BIN1: variants seen among roughly 807,000 people sequenced by gnomAD.
BIN1 encodes myc box-dependent-interacting protein 1.
In BIN1, 53 loss-of-function variants were observed where a neutral mutation model predicts 82.0. The ratio of observed to expected loss-of-function variants is 0.65; its 90% CI spans 0.52 to 0.81. The LOEUF (loss-of-function observed/expected upper bound fraction) is 0.81. Ranked by LOEUF, BIN1 falls within the 40% of genes least tolerant of loss-of-function variation. The pLI, the probability that BIN1 is intolerant of heterozygous loss-of-function variation, is 0.00. For missense variants in BIN1, 642 were observed against 784.4 expected, an observed-to-expected ratio of 0.82 and a Z score of 2.17; for synonymous variants, 302 against 328.0, an observed-to-expected ratio of 0.92 and a Z score of 0.86.
In BIN1 at chr2:127,059,597, C is replaced by G. The variant is rs1684178320; in HGVS notation, c.858-442G>C. On this transcript the variant is annotated intron_variant, in intron 10 of 18. Coordinates refer to ENST00000316724, the MANE Select transcript of BIN1 (RefSeq NM_139343.3). This position sits in a 1 kb window ranked among gnomAD's most constrained non-coding sequence, Gnocchi z 6.7. ...CACCACACGCAGCAGCCCCTCTGTT[C>G]TGGGGTCTGCTCCCCAGCCTGCTGC... 6.6e-6 allele frequency among the ~76,000 whole-genome samples: 1 copy of G among 152,156 alleles called. No individual in the cohort carries two copies. The highest frequency in any genetic ancestry group is 6.5e-5 in the Admixed American group (1 of 15,290).
chr2:127,050,625 C>T, intron 17 of BIN1, 103 bp from the exon 18 acceptor site: 2 of 1,398,172 alleles, frequency 1.4e-6, no homozygotes, highest in Non-Finnish European at 2.0e-6. Context: ...GTATGGAGAC[C>T]AGGAGTGCTC....
At chr2:127,076,896 C>G (rs1375679659) in intron 1 of BIN1, among the ~76,000 whole-genome samples, 190 bp from the exon 2 acceptor site, 1 of 152,090 alleles carries the variant, frequency 6.6e-6, no homozygotes, top group Non-Finnish European at 1.5e-5. Context: ...CAGGCCTCCC[C>G]ACCCTCTACC....
At chr2:127,102,536 T>C (rs1018246348) in intron 1 of BIN1, among the ~76,000 whole-genome samples, 17 of 152,226 alleles carry the variant, frequency 1.1e-4, no homozygotes, top group Admixed American at 1.3e-4. Context: ...CTGCACCTCC[T>C]GGAATGCCTT....
chr2:127,107,003 C>T lies in BIN1; in HGVS notation c.-60G>A, dbSNP rs1681248012. On this transcript the variant is annotated 5_prime_UTR_variant, in exon 1 of 19. Coordinates refer to ENST00000316724, the MANE Select transcript of BIN1 (RefSeq NM_139343.3). This position sits in a 1 kb window ranked among gnomAD's most constrained non-coding sequence, Gnocchi z 5.9. ...TCTCGCGCGGGGAGATCTTGCGCGC[C>T]GCGCTCCCAGCCCCCAGCCCCGGCC... 2 of 1,532,180 alleles carry T rather than the reference C, an allele frequency of 1.3e-6. No homozygotes were observed. Among genetic ancestry groups the T allele is most frequent in the Non-Finnish European group, 1.8e-6 (2 of 1,142,128 alleles). 94.9% of individuals were successfully genotyped at this position (1,532,180 alleles called of 1,614,324 possible).
chr2:127,097,294 GCCCTCCAGGCCCAGCAGTGTCAT>G (rs1351982323), intron 1 of BIN1, among the ~76,000 whole-genome samples: 4 of 151,504 alleles, frequency 2.6e-5, no homozygotes, highest in African/African-American at 9.7e-5. Flanking sequence ...AGCAGCGTCA[GCCCTCCAGGCCCAGCAGTGTCAT>G]CCCTCCAGGC....
At chr2:127,099,896 C>T (rs2105332202) in intron 1 of BIN1, among the ~76,000 whole-genome samples, 1 of 151,794 alleles carries the variant, frequency 6.6e-6, no homozygotes, top group Middle Eastern at 3.4e-3. Context: ...CTCCGCCTTG[C>T]AGGTTCAAGC....
chr2:127,061,309 C>A (rs1249338153), intron 10 of BIN1, among the ~76,000 whole-genome samples: 1 of 150,174 alleles, frequency 6.7e-6, no homozygotes, highest in East Asian at 2.0e-4. Context: ...ATTTTATGTT[C>A]AGGGAAGGAG....
intron 1 of BIN1, among the ~76,000 whole-genome samples, chr2:127,099,360 G>T (rs1295138069): frequency 6.6e-6 from 1 of 151,932 alleles, no homozygotes; most frequent in Non-Finnish European, 1.5e-5. Flanking sequence ...ATGTGTGTGT[G>T]TGTGTGTGTG....
At position 127,090,135 on chromosome 2, in the gene BIN1, G is replaced by A. The variant is rs895471439; in HGVS notation, c.85-13429C>T. ...CCTCTCTCCAATCAAGCTCCCCTCT[G>A]CAGCCTCCTTGCCTGCAGCTCTGCA... On this transcript the variant is annotated intron_variant, in intron 1 of 18. Coordinates refer to ENST00000316724, the MANE Select transcript of BIN1 (RefSeq NM_139343.3). This position sits in a 1 kb window ranked among gnomAD's most constrained non-coding sequence, Gnocchi z 6.4. 6.6e-6 allele frequency among the ~76,000 whole-genome samples: 1 copy of A among 152,000 alleles called. No homozygotes were observed. Among genetic ancestry groups the A allele is most frequent in the Non-Finnish European group, 1.5e-5 (1 of 67,990 alleles).
At chr2:127,063,370 C>G (rs1364695979) in intron 9 of BIN1, among the ~76,000 whole-genome samples, 1 of 152,198 alleles carries the variant, frequency 6.6e-6, no homozygotes, top group Admixed American at 6.5e-5. Flanking sequence ...CTCAAAGCCT[C>G]CCCAGCATGC....
Position 127,059,523 on chromosome 2 carries a change from T to A in BIN1, c.858-368A>T, listed in dbSNP as rs2104958449. ...CAGGGCCCATGCTGACAGCCCAAGA[T>A]CCACAGCAGGAGAAAGCCAGACATC... On this transcript the variant is annotated intron_variant, in intron 10 of 18. Transcript: ENST00000316724. The surrounding 1 kb of genome is among the most constrained non-coding windows in gnomAD (Gnocchi z 6.7). Among the ~76,000 whole-genome samples the A allele has an allele frequency of 6.6e-6, 1 of 151,854 alleles. No homozygotes were observed. The highest frequency in any genetic ancestry group is 2.1e-4 in the South Asian group (1 of 4,818).
intron 1 of BIN1, chr2:127,081,932 CCACGGAGGCAGGATG>C (rs1687346890): frequency 8.0e-7 from 1 of 1,255,784 alleles, no homozygotes; most frequent in African/African-American, 1.6e-5. Flanking sequence ...CGGTCGGGGG[CCACGGAGGCAGGATG>C]CACACCCTCG....
chr2:127,072,616 T>C (rs889085311), intron 2 of BIN1, among the ~76,000 whole-genome samples: 1 of 91,424 alleles, frequency 1.1e-5, no homozygotes, highest in Non-Finnish European at 2.0e-5. Flanking sequence ...AAAGAGAGCA[T>C]GTGTGAAAAA....
chr2:127,106,537 G>T (rs1285659200), intron 1 of BIN1, among the ~76,000 whole-genome samples: 1 of 152,194 alleles, frequency 6.6e-6, no homozygotes, highest in East Asian at 1.9e-4. Flanking sequence ...CCTCCAAAGC[G>T]GGGTAGCCTG....
chr2:127,069,729 G>A (rs1459189734), intron 5 of BIN1, among the ~76,000 whole-genome samples: 1 of 106,148 alleles, frequency 9.4e-6, no homozygotes, highest in Non-Finnish European at 1.9e-5. Context: ...CCACTCCGCA[G>A]CAACACACAC....
intron 1 of BIN1, among the ~76,000 whole-genome samples, chr2:127,103,546 C>G (rs954339735): frequency 1.3e-5 from 2 of 152,208 alleles, no homozygotes; most frequent in Non-Finnish European, 2.9e-5. Context: ...CACACTCCCA[C>G]CCTGCCAGAG....
intron 2 of BIN1, among the ~76,000 whole-genome samples, chr2:127,072,917 A>G: frequency 6.6e-6 from 1 of 152,192 alleles, no homozygotes; most frequent in Non-Finnish European, 1.5e-5. Context: ...AAGTGTGTTC[A>G]TGATGGGATG....
chr2:127,078,915 TC>T (rs767890716), intron 1 of BIN1, among the ~76,000 whole-genome samples: 4 of 143,534 alleles, frequency 2.8e-5, no homozygotes, highest in Admixed American at 7.2e-5. Context: ...CTCCCAGAAG[TC>T]TACCAGAGCC....
At position 127,063,772 on chromosome 2, in the gene BIN1, G is replaced by A. The variant is rs541715257; in HGVS notation, c.699-126C>T. ...ACAAACCAGAGAGGGCCCAGGCACC[G>A]CAGCACTCAGGCTGGACACTGCAGC... On this transcript the variant is annotated intron_variant, in intron 8 of 18. Coordinates refer to ENST00000316724, the MANE Select transcript of BIN1 (RefSeq NM_139343.3). 4.0e-5 allele frequency: 55 copies of A among 1,385,790 alleles called. No individual in the cohort carries two copies. The Middle Eastern group carries it at 5.3e-4, about 13-fold the overall frequency. 85.8% of individuals were successfully genotyped at this position (1,385,790 alleles called of 1,614,324 possible). A position where few individuals can be genotyped will look rare whatever the true frequency, so the allele number is the denominator to read the frequency against.
Sources: gnomAD v4.1 joint callset for allele counts (sites outside exome capture counted in the v4.1 genomes callset) on GRCh38, gnomAD v4.1.1 for gene constraint, Gnocchi (gnomAD v3.1) non-coding constraint, MANE v1.5 for transcripts, NCBI Gene and HGNC (gene_info 2026-07-23, HGNC 2026-07-21) for gene names.